Variants in CDH18 observed in about 807,000 individuals in gnomAD.
CDH18 encodes cadherin-18.
A neutral mutation model predicts 67.9 loss-of-function variants in CDH18; 31 were observed. That is an observed-to-expected ratio of 0.46 (90% CI 0.34 to 0.62). CDH18 has a LOEUF of 0.62. Among genes scored for constraint, CDH18 ranks in the 20% least tolerant of loss-of-function variants. The probability of loss-of-function intolerance (pLI) is 0.01; values close to 1 mark genes in which losing one functional copy is unlikely to be tolerated. For missense variants in CDH18, 890 were observed against 975.5 expected, an observed-to-expected ratio of 0.91 and a Z score of 1.17; for synonymous variants, 362 against 347.2, an observed-to-expected ratio of 1.04 and a Z score of -0.48.
chr5:20,434,408 A>G (rs1483316949), intron 1 of CDH18, among the ~76,000 whole-genome samples: 1 of 152,028 alleles, frequency 6.6e-6, no homozygotes, highest in Non-Finnish European at 1.5e-5. Context: ...TCTGGAAAAT[A>G]CATTCCCTGA....
At chr5:19,518,272 G>A (rs1746344051) in intron 10 of CDH18, among the ~76,000 whole-genome samples, 1 of 152,038 alleles carries the variant, frequency 6.6e-6, no homozygotes, top group Non-Finnish European at 1.5e-5. Context: ...TTTCTCATGG[G>A]AAATGTTAAA....
chr5:19,600,974 A>G (rs1201269196), intron 6 of CDH18, among the ~76,000 whole-genome samples: 3 of 152,234 alleles, frequency 2.0e-5, no homozygotes, highest in East Asian at 1.9e-4. Context: ...CGATGTTTCC[A>G]TGAGGGAACA....
intron 2 of CDH18, among the ~76,000 whole-genome samples, chr5:19,904,044 C>A (rs561568004): frequency 6.6e-6 from 1 of 151,932 alleles, no homozygotes; most frequent in East Asian, 2.0e-4. Flanking sequence ...GAGGCCGAGG[C>A]AGGCAGATCA....
intron 5 of CDH18, among the ~76,000 whole-genome samples, chr5:19,656,951 G>C (rs1756488572): frequency 6.6e-6 from 1 of 151,300 alleles, no homozygotes; most frequent in African/African-American, 2.4e-5. Context: ...TAGCAAGTTG[G>C]GATAAAATTG....
chr5:20,111,568 T>C (rs1258767542), intron 2 of CDH18, among the ~76,000 whole-genome samples: 41 of 138,390 alleles, frequency 3.0e-4, no homozygotes, highest in Middle Eastern at 3.6e-3. Context: ...TTTTTTTTTT[T>C]CCAGAGCCTT....
At chr5:19,607,857 G>A (rs1346923119) in intron 6 of CDH18, among the ~76,000 whole-genome samples, 1 of 151,504 alleles carries the variant, frequency 6.6e-6, no homozygotes, top group Non-Finnish European at 1.5e-5. Flanking sequence ...GAAACCTCTG[G>A]AATAGCTATA....
At chr5:19,743,209 C>A (rs1273607909) in intron 4 of CDH18, among the ~76,000 whole-genome samples, 3 of 152,094 alleles carry the variant, frequency 2.0e-5, no homozygotes, top group African/African-American at 7.2e-5. Flanking sequence ...GAAGCATGAT[C>A]CCATATATTT....
At chr5:20,101,844 C>G (rs549070582) in intron 2 of CDH18, among the ~76,000 whole-genome samples, 1 of 152,100 alleles carries the variant, frequency 6.6e-6, no homozygotes, top group Non-Finnish European at 1.5e-5. Context: ...GAGGCCGAGG[C>G]GGGCGGGTCA....
chr5:19,648,884 T>C (rs1419698145), intron 5 of CDH18, among the ~76,000 whole-genome samples: 1 of 152,100 alleles, frequency 6.6e-6, no homozygotes, highest in African/African-American at 2.4e-5. Flanking sequence ...ATTTATTTAA[T>C]GTAATGAAGC....
intron 2 of CDH18, among the ~76,000 whole-genome samples, chr5:19,883,277 A>G (rs1255558082): frequency 6.6e-6 from 1 of 152,180 alleles, no homozygotes; most frequent in African/African-American, 2.4e-5. Context: ...TGATATAAAC[A>G]GTTCTTTGAA....
At chr5:19,722,685 A>G (rs557782533) in intron 4 of CDH18, among the ~76,000 whole-genome samples, 1 of 152,014 alleles carries the variant, frequency 6.6e-6, no homozygotes, top group East Asian at 1.9e-4. Flanking sequence ...AAGAATTCAC[A>G]TCTATTCATA....
At chr5:19,718,225 A>G (rs1197910488) in intron 5 of CDH18, among the ~76,000 whole-genome samples, 2 of 151,994 alleles carry the variant, frequency 1.3e-5, no homozygotes, top group Admixed American at 1.3e-4. Flanking sequence ...GATTTTAGTC[A>G]TAAGCACTCA....
intron 1 of CDH18, among the ~76,000 whole-genome samples, chr5:20,550,967 C>T (rs1757602061): frequency 6.6e-6 from 1 of 152,070 alleles, no homozygotes; most frequent in East Asian, 1.9e-4. Context: ...TCCTTTTAAA[C>T]AGCCAGCTCT....
intron 4 of CDH18, among the ~76,000 whole-genome samples, chr5:19,740,209 C>T (rs1456600868): frequency 1.3e-5 from 2 of 151,904 alleles, no homozygotes; most frequent in Non-Finnish European, 2.9e-5. Flanking sequence ...CTGTTAAATG[C>T]TTTTAAATGG....
chr5:20,311,500 A>G (rs1001746824), intron 1 of CDH18, among the ~76,000 whole-genome samples: 1 of 152,186 alleles, frequency 6.6e-6, no homozygotes, highest in Non-Finnish European at 1.5e-5. Context: ...TTGCAGGGAC[A>G]TGGATGAAGG....
At chr5:19,987,547 A>AG (rs1373255170) in intron 1 of CDH18, among the ~76,000 whole-genome samples, 1 of 152,114 alleles carries the variant, frequency 6.6e-6, no homozygotes, top group Non-Finnish European at 1.5e-5. Context: ...AAAAAAAAAA[A>AG]GAATGAAAGA....
intron 1 of CDH18, among the ~76,000 whole-genome samples, chr5:20,453,331 T>A (rs567115645): frequency 6.6e-6 from 1 of 152,298 alleles, no homozygotes; most frequent in Admixed American, 6.5e-5. Context: ...CATTTTAATT[T>A]GACTTGTGAG....
intron 2 of CDH18, among the ~76,000 whole-genome samples, chr5:19,879,701 A>G (rs1378502576): frequency 6.6e-6 from 1 of 152,008 alleles, no homozygotes; most frequent in East Asian, 1.9e-4. Context: ...TATATAGGAA[A>G]TGGGATATGT....
At chr5:19,780,447 A>G (rs957102957) in intron 3 of CDH18, among the ~76,000 whole-genome samples, 1 of 152,022 alleles carries the variant, frequency 6.6e-6, no homozygotes, top group African/African-American at 2.4e-5. Context: ...ATTGTATCCT[A>G]CTGTCACTTT....
Sources: gnomAD v4.1 joint callset for allele counts (sites outside exome capture counted in the v4.1 genomes callset) on GRCh38, gnomAD v4.1.1 for gene constraint, MANE v1.5 for transcripts, NCBI Gene and HGNC (gene_info 2026-07-23, HGNC 2026-07-21) for gene names.